PTHLH: variants seen among roughly 807,000 people sequenced by gnomAD.
PTHLH encodes parathyroid hormone-related protein.
Under a neutral mutation model 18.6 loss-of-function variants are expected in PTHLH, and 5 were observed. The ratio of observed to expected loss-of-function variants is 0.27; its 90% CI spans 0.14 to 0.56. PTHLH has a LOEUF of 0.56. Among genes scored for constraint, PTHLH ranks in the 20% least tolerant of loss-of-function variants. The pLI, the probability that PTHLH is intolerant of heterozygous loss-of-function variation, is 0.92. For synonymous variants in PTHLH, 90 were observed against 94.0 expected (o/e 0.96, Z 0.25); for missense variants, 207 against 223.9 (o/e 0.92, Z 0.48).
chr12:27,958,718 G>A (rs529421121), intron 5 of PTHLH, 150 bp from the exon 6 acceptor site: 1 of 686,214 alleles, frequency 1.5e-6, no homozygotes, highest in East Asian at 2.9e-5. Flanking sequence ...TCCTGCAAGA[G>A]GTATCTGTGG....
At chr12:27,962,875 T>C (rs1434179903) in intron 5 of PTHLH, 2 of 993,960 alleles carry the variant, frequency 2.0e-6, no homozygotes, top group African/African-American at 3.5e-5. Flanking sequence ...CAGAATCGTT[T>C]ATGACATGAT....
Position 27,963,661 on chromosome 12 carries a change from C to G in PTHLH, c.211G>C (p.Glu71Gln). 6.2e-7 allele frequency: 1 copy of G among 1,613,846 alleles called. No homozygotes were observed. Among genetic ancestry groups the G allele is most frequent in the Non-Finnish European group, 8.5e-7 (1 of 1,179,908 alleles). Residue 71 changes from glutamate (E) to glutamine (Q), a missense_variant, in exon 5 of 6, where the codon GAA becomes CAA. Transcript: ENST00000545234. ...HHLIAEIHTA[E>Q]IRATSEVSPN... Reference sequence around the variant, plus strand: ...GACACCTCCGAGGTAGCTCTGATTTCAGCTGTGTGGATTTCTGCGATCAGA... The same window carrying G: ...GACACCTCCGAGGTAGCTCTGATTTGAGCTGTGTGGATTTCTGCGATCAGA...
At chr12:27,966,424 A>G (rs1467459590) in intron 4 of PTHLH, among the ~76,000 whole-genome samples, 2 of 152,240 alleles carry the variant, frequency 1.3e-5, no homozygotes, top group African/African-American at 4.8e-5. Context: ...CAATTAAAGT[A>G]TTGTGAAGAA....
At chr12:27,969,570 GCA>G in intron 3 of PTHLH, 54 bp from the exon 4 acceptor site, 1 of 1,346,612 alleles carries the variant, frequency 7.4e-7, no homozygotes, top group Non-Finnish European at 1.0e-6. Flanking sequence ...CCATCTCCCC[GCA>G]CTACTCCGCT....
Position 27,970,131 on chromosome 12 carries a change from G to C in PTHLH, c.-129C>G. 3 of 518,762 alleles carry C rather than the reference G, an allele frequency of 5.8e-6. No individual in the cohort carries two copies. Among genetic ancestry groups the C allele is most frequent in the South Asian group, 4.2e-5 (3 of 71,604 alleles). The allele number at this position is 518,762 out of a possible 1,614,324, so 32.1% of individuals were successfully genotyped here. A position where few individuals can be genotyped will look rare whatever the true frequency, so the allele number is the denominator to read the frequency against. On this transcript the variant is annotated 5_prime_UTR_variant, in exon 3 of 6. Transcript: ENST00000545234. ...AGGAGGGCCAGGTGGCGGCGAGGGC[G>C]GGTCGTTAGTGGCAGCCGGAGCGGC...
At chr12:27,970,829 C>G (rs2062865825) in intron 2 of PTHLH, among the ~76,000 whole-genome samples, 2 of 152,196 alleles carry the variant, frequency 1.3e-5, no homozygotes, top group African/African-American at 4.8e-5. Flanking sequence ...GCTCGCCTGG[C>G]AGCTCGGGGC....
At chr12:27,965,716 G>C (rs2062806852) in intron 4 of PTHLH, among the ~76,000 whole-genome samples, 1 of 152,150 alleles carries the variant, frequency 6.6e-6, no homozygotes, top group Non-Finnish European at 1.5e-5. Context: ...TGCCACATGT[G>C]ACTAGATTAA....
chr12:27,969,536 G>A lies in PTHLH; in HGVS notation c.-22-20C>T, dbSNP rs749279708. On this transcript the variant is annotated intron_variant, in intron 3 of 5. Coordinates refer to ENST00000545234, the MANE Select transcript of PTHLH (RefSeq NM_198965.2). ...CGGGACCTGCAACAGAAGGGAATGG[G>A]ACCCGAGTGTCAGTCTGGACTCTCC... is the stretch of plus-strand genomic sequence containing the variant. The A allele has an allele frequency of 9.1e-6, 14 of 1,533,768 alleles. No homozygotes were observed. The African/African-American group carries it at 1.6e-4, about 18-fold the overall frequency.
chr12:27,969,554 G>T, intron 3 of PTHLH, 38 bp from the exon 4 acceptor site: 2 of 1,477,600 alleles, frequency 1.4e-6, no homozygotes, highest in South Asian at 1.2e-5. Context: ...TGTCAGTCTG[G>T]ACTCTCCATC....
At chr12:27,959,900 G>T (rs560844640) in intron 5 of PTHLH, among the ~76,000 whole-genome samples, 2 of 152,214 alleles carry the variant, frequency 1.3e-5, no homozygotes, top group South Asian at 4.2e-4. Flanking sequence ...ATTCTTTACT[G>T]ATTTTTAAAT....
chr12:27,970,384 G>T (rs976911053), intron 2 of PTHLH, 117 bp from the exon 3 acceptor site: 10 of 147,964 alleles, frequency 6.8e-5, no homozygotes, highest in Non-Finnish European at 9.1e-5. Context: ...GGCGACGGGC[G>T]GCCCGAACGG....
rs567432866 is a variant in PTHLH at position 27,958,308 on chromosome 12, A to G, written c.*251T>C. On this transcript the variant is annotated 3_prime_UTR_variant, in exon 6 of 6. Coordinates refer to ENST00000545234, the MANE Select transcript of PTHLH (RefSeq NM_198965.2). ...AATATAGAAATTCAGCAGCACCAAG[A>G]TACATTTACAAAATAAATACATCAA... The G allele has an allele frequency of 2.9e-6, 1 of 346,792 alleles. No individual in the cohort carries two copies. The highest frequency in any genetic ancestry group is 2.1e-5 in the African/African-American group (1 of 47,424). 21.5% of individuals were successfully genotyped at this position (346,792 alleles called of 1,614,324 possible).
In PTHLH at chr12:27,970,279, G is replaced by A. The variant is rs2062857613; in HGVS notation, c.-265-12C>T. 1 of 384,358 alleles carries A rather than the reference G, an allele frequency of 2.6e-6. No individual in the cohort carries two copies. Among genetic ancestry groups the A allele is most frequent in the Non-Finnish European group, 5.2e-6 (1 of 192,708 alleles). The allele number at this position is 384,358 out of a possible 1,614,324, so 23.8% of individuals were successfully genotyped here. A position where few individuals can be genotyped will look rare whatever the true frequency, so the allele number is the denominator to read the frequency against. ...GCTCCGAGGCAAACCTGCCGGAGAA[G>A]TGAGCTAGTCGCAAAGAGGTGGCGC... is the stretch of plus-strand genomic sequence containing the variant. On this transcript the variant is annotated splice_polypyrimidine_tract_variant and intron_variant, in intron 2 of 5. Coordinates refer to ENST00000545234, the MANE Select transcript of PTHLH (RefSeq NM_198965.2).
intron 4 of PTHLH, among the ~76,000 whole-genome samples, chr12:27,964,777 C>CT (rs948312311): frequency 4.3e-4 from 66 of 152,316 alleles, no homozygotes; most frequent in African/African-American, 1.3e-3. Flanking sequence ...AACTAATTCT[C>CT]TATCAATCCT....
At chr12:27,968,189 C>T in intron 4 of PTHLH, among the ~76,000 whole-genome samples, 1 of 152,192 alleles carries the variant, frequency 6.6e-6, no homozygotes, top group Admixed American at 6.5e-5. Flanking sequence ...ATGTTCTACA[C>T]AATTTGCCTT....
intron 4 of PTHLH, among the ~76,000 whole-genome samples, chr12:27,964,596 T>G (rs2062795572): frequency 6.6e-6 from 1 of 151,996 alleles, no homozygotes; most frequent in Non-Finnish European, 1.5e-5. Context: ...ATTTCTTCTG[T>G]GCTTCATGTT....
intron 5 of PTHLH, chr12:27,963,114 G>C: frequency 1.4e-6 from 2 of 1,413,740 alleles, no homozygotes; most frequent in African/African-American, 1.4e-5. Context: ...GGTGGAGAAA[G>C]AGGAATGGGC....
At chr12:27,966,228 A>T (rs921850093) in intron 4 of PTHLH, among the ~76,000 whole-genome samples, 1 of 152,174 alleles carries the variant, frequency 6.6e-6, no homozygotes, top group Non-Finnish European at 1.5e-5. Flanking sequence ...CCATCCTTCT[A>T]ATTTATAAAA....
intron 2 of PTHLH, among the ~76,000 whole-genome samples, chr12:27,970,733 A>T (rs1347027244): frequency 1.3e-5 from 2 of 152,076 alleles, no homozygotes; most frequent in African/African-American, 4.8e-5. Context: ...GGAGGAGGCC[A>T]AGGAGCTGGG....
Sources: allele counts gnomAD v4.1 joint callset (sites outside exome capture counted in the v4.1 genomes callset), GRCh38; gene constraint gnomAD v4.1.1; transcripts MANE v1.5; gene names NCBI Gene and HGNC (gene_info 2026-07-23, HGNC 2026-07-21).